CDH11: variants seen among roughly 807,000 people sequenced by gnomAD.
CDH11 encodes cadherin-11.
In CDH11, 11 loss-of-function variants were observed where a neutral mutation model predicts 67.8. That is an observed-to-expected ratio of 0.16 (90% CI 0.10 to 0.27). The LOEUF is 0.27. Ranked by LOEUF, CDH11 falls within the 10% of genes least tolerant of loss-of-function variation. The pLI, the probability that CDH11 is intolerant of heterozygous loss-of-function variation, is 1.00. For synonymous variants in CDH11, 419 were observed against 400.0 expected, an observed-to-expected ratio of 1.05 and a Z score of -0.57; for missense variants, 847 against 1,031.2, an observed-to-expected ratio of 0.82 and a Z score of 2.45.
chr16:65,123,262 G>A (rs111381095), upstream of CDH11, among the ~76,000 whole-genome samples: 36 of 152,208 alleles, frequency 2.4e-4, no homozygotes, highest in African/African-American at 8.4e-4. Flanking sequence ...AGGCAAGAGA[G>A]GAGGCGGAGG....
chr16:65,083,948 T>C (rs1567568818), intron 1 of CDH11, among the ~76,000 whole-genome samples: 1 of 152,062 alleles, frequency 6.6e-6, no homozygotes, highest in Non-Finnish European at 1.5e-5. Context: ...CAGGAGACAT[T>C]TGGTAAGTTC....
chr16:64,959,574 G>A (rs779230729), intron 11 of CDH11, among the ~76,000 whole-genome samples: 11 of 152,110 alleles, frequency 7.2e-5, no homozygotes, highest in Non-Finnish European at 1.2e-4. Context: ...GAGAGAGCGG[G>A]TTCAAAGATA....
intron 3 of CDH11, 97 bp downstream of exon 3, chr16:65,004,545 C>A: frequency 7.8e-7 from 1 of 1,286,824 alleles, no homozygotes; most frequent in South Asian, 1.5e-5. Context: ...GGTGTTTTCT[C>A]TCTTAGATGC....
chr16:64,989,678 G>T (rs35198), intron 6 of CDH11, among the ~76,000 whole-genome samples: 37,859 of 152,010 alleles, frequency 0.25, 5,803 homozygotes, highest in Middle Eastern at 0.36. Context: ...GAATGGAAAA[G>T]ACTTCAGGTT....
chr16:65,025,904 G>A (rs2073524793), intron 2 of CDH11, among the ~76,000 whole-genome samples: 1 of 152,132 alleles, frequency 6.6e-6, no homozygotes, highest in African/African-American at 2.4e-5. Flanking sequence ...GGTGCAGGTA[G>A]TGGGGAGAGG....
At chr16:65,008,567 G>T (rs1417726477) in intron 2 of CDH11, among the ~76,000 whole-genome samples, 1 of 152,126 alleles carries the variant, frequency 6.6e-6, no homozygotes, top group Non-Finnish European at 1.5e-5. Context: ...ATGAATAGGA[G>T]CCATGAATAT....
At chr16:65,060,461 A>T (rs2074220160) in intron 1 of CDH11, among the ~76,000 whole-genome samples, 1 of 152,170 alleles carries the variant, frequency 6.6e-6, no homozygotes, top group Non-Finnish European at 1.5e-5. Flanking sequence ...TTTGCCTAAA[A>T]TGCTAGCAAT....
intron 11 of CDH11, among the ~76,000 whole-genome samples, chr16:64,961,123 T>C (rs990011560): frequency 5.3e-5 from 8 of 152,102 alleles, no homozygotes; most frequent in East Asian, 1.9e-4. Flanking sequence ...TACAGAAGGA[T>C]GGAAAGAAGA....
rs1201118176 is a variant in CDH11 at position 65,104,002 on chromosome 16, T to G, written c.-298+17878A>C. The stretch of plus-strand genomic sequence containing the variant: ...TTTTAAACTAAATATGTGAATGACG[T>G]TTGTGGTTTGTATTATATTTTTATT... On this transcript the variant is annotated intron_variant, in intron 1 of 12. Coordinates refer to ENST00000268603, the MANE Select transcript of CDH11 (RefSeq NM_001797.4). Among the ~76,000 whole-genome samples the G allele has an allele frequency of 2.6e-5, 4 of 152,306 alleles. No homozygotes were observed. In the East Asian group the frequency reaches 7.7e-4, roughly 29 times the overall value.
intron 11 of CDH11, among the ~76,000 whole-genome samples, chr16:64,970,321 C>T (rs2071969350): frequency 6.6e-6 from 1 of 152,108 alleles, no homozygotes. Flanking sequence ...AAAATCCAAG[C>T]AGCATGGGGA....
rs368642005 is a variant in CDH11 at position 64,972,966 on chromosome 16, G to A, written c.1328C>T (p.Thr443Ile). The A allele has an allele frequency of 1.1e-5, 18 of 1,613,464 alleles. No homozygotes were observed. The African/African-American group carries it at 1.3e-4, about 12-fold the overall frequency. The change falls in exon 9 of 13, where the codon ACA becomes ATA. Residue 443 changes from threonine to isoleucine, a missense_variant. Thr to Ile is a moderately conservative substitution (Grantham distance 89, BLOSUM62 -1). This residue lies in a region of CDH11 where 612 missense variants were observed against 678.7 expected (regional missense o/e 0.90). Coordinates refer to ENST00000268603, the MANE Select transcript of CDH11 (RefSeq NM_001797.4). ...TGTTTCCTCTCTATCCAGAGGTTTT[G>A]TAGTTTTAATAAAACCATCCTCTGG... ...INPEDGFIKT[T>I]KPLDREETAW...
chr16:64,950,920 G>A lies in CDH11; in HGVS notation c.1741C>T (p.Pro581Ser), dbSNP rs776863801. The change falls in exon 12 of 13, where the codon CCC becomes TCC. Residue 581 changes from proline to serine, a missense_variant. Coordinates refer to ENST00000268603, the MANE Select transcript of CDH11 (RefSeq NM_001797.4). ...GTGAGGGTGTTGGTGCTACTCATGG[G>A]CGGGATGCCGCCATCGCTGATCACT... ...PIVISDGGIP[P>S]MSSTNTLTIK... The A allele has an allele frequency of 6.2e-7, 1 of 1,614,248 alleles. No individual in the cohort carries two copies. Among genetic ancestry groups the A allele is most frequent in the Non-Finnish European group, 8.5e-7 (1 of 1,180,044 alleles).
At chr16:65,105,168 A>G (rs1454255005) in intron 1 of CDH11, among the ~76,000 whole-genome samples, 2 of 152,182 alleles carry the variant, frequency 1.3e-5, no homozygotes, top group Non-Finnish European at 2.9e-5. Flanking sequence ...AGATTGAACT[A>G]TCTATATGAA....
chr16:65,029,850 C>T (rs1470958805), intron 2 of CDH11, among the ~76,000 whole-genome samples: 1 of 152,144 alleles, frequency 6.6e-6, no homozygotes, highest in Non-Finnish European at 1.5e-5. Flanking sequence ...TCAATGGGAA[C>T]TCACCTGACA....
chr16:65,025,133 A>C (rs2142592489), intron 2 of CDH11, among the ~76,000 whole-genome samples: 1 of 152,260 alleles, frequency 6.6e-6, no homozygotes, highest in South Asian at 2.1e-4. Context: ...CTAACAACTC[A>C]CTTCCCCTCT....
chr16:64,969,563 T>C (rs2071943516), intron 11 of CDH11, among the ~76,000 whole-genome samples: 1 of 152,226 alleles, frequency 6.6e-6, no homozygotes, highest in South Asian at 2.1e-4. Context: ...ATGCAATATA[T>C]TGTTACAAGC....
intron 2 of CDH11, among the ~76,000 whole-genome samples, chr16:65,018,467 A>T (rs2073357965): frequency 6.6e-6 from 1 of 152,334 alleles, no homozygotes; most frequent in East Asian, 1.9e-4. Context: ...CTATATTGCC[A>T]TAAGGTAAGA....
chr16:65,050,858 A>T (rs948257033), intron 2 of CDH11, among the ~76,000 whole-genome samples: 1 of 152,108 alleles, frequency 6.6e-6, no homozygotes, highest in African/African-American at 2.4e-5. Flanking sequence ...TTTCTATTTA[A>T]CTTTTGACTC....
intron 2 of CDH11, 40 bp from the exon 3 acceptor site, chr16:65,005,081 C>T: frequency 7.5e-7 from 1 of 1,340,000 alleles, no homozygotes; most frequent in Admixed American, 3.6e-5. Flanking sequence ...CAGGCCAAAT[C>T]CCCACTTCAT....
Sources: gnomAD v4.1 joint callset for allele counts (sites outside exome capture counted in the v4.1 genomes callset) on GRCh38, gnomAD v4.1.1 for gene constraint, gnomAD v4.1.1 regional missense constraint, MANE v1.5 for transcripts, NCBI Gene and HGNC (gene_info 2026-07-23, HGNC 2026-07-21) for gene names.